Variants in SH3KBP1 observed in about 807,000 individuals in gnomAD.
SH3KBP1 encodes the protein SH3 domain containing kinase binding protein 1.
A neutral mutation model predicts 50.1 loss-of-function variants in SH3KBP1; 8 were observed. That is an observed-to-expected ratio of 0.16 (90% CI 0.09 to 0.29). SH3KBP1 has a LOEUF of 0.29. Among genes scored for constraint, SH3KBP1 ranks in the 10% least tolerant of loss-of-function variants. SH3KBP1 has a pLI of 1.00. For synonymous variants in SH3KBP1, 227 were observed against 218.6 expected (o/e 1.04, Z -0.34); for missense variants, 377 against 535.2 (o/e 0.70, Z 2.92).
At position 19,796,270 on chromosome X, in the gene SH3KBP1, G is replaced by A. The variant is rs143891096; in HGVS notation, c.162+39855C>T. Among the ~76,000 whole-genome samples the A allele has an allele frequency of 6.1e-3, 684 of 111,960 alleles. 9 individuals are homozygous for A. The highest frequency in any genetic ancestry group is 0.02 in the African/African-American group (619 of 30,780). ...CAAGCCTGGTTTCTGATCTTGGCTG[G>A]TTGCAACCTATGTGCTTAGGAACAA... On this transcript the variant is annotated intron_variant, in intron 2 of 17. Transcript: ENST00000397821.
At chrX:19,710,640 G>A (rs947565495) in intron 3 of SH3KBP1, among the ~76,000 whole-genome samples, 7 of 110,997 alleles carry the variant, frequency 6.3e-5, no homozygotes, top group Admixed American at 2.9e-4. Flanking sequence ...CTCTTCCTGC[G>A]CTTAATTTAT....
chrX:19,848,559 T>C (rs891975295), intron 1 of SH3KBP1, among the ~76,000 whole-genome samples: 1 of 112,613 alleles, frequency 8.9e-6, no homozygotes, highest in Non-Finnish European at 1.9e-5. Flanking sequence ...ACTCATTGTT[T>C]TGAAACTGGT....
At chrX:19,599,290 GA>G (rs1196639723) in intron 9 of SH3KBP1, among the ~76,000 whole-genome samples, 217 of 108,440 alleles carry the variant, frequency 2.0e-3, no homozygotes, top group Middle Eastern at 4.7e-3. Flanking sequence ...ACTGGTCAAA[GA>G]AAAAAAAAAT....
At chrX:19,836,576 C>T (rs2068063391) in intron 1 of SH3KBP1, among the ~76,000 whole-genome samples, 1 of 111,726 alleles carries the variant, frequency 9.0e-6, no homozygotes, top group Admixed American at 9.5e-5. Flanking sequence ...ACATTTGCCC[C>T]ACCCAGAGGG....
intron 2 of SH3KBP1, among the ~76,000 whole-genome samples, chrX:19,832,937 C>T (rs759521364): frequency 8.0e-5 from 9 of 112,590 alleles, no homozygotes; most frequent in South Asian, 7.2e-4. Flanking sequence ...ACTGACAGCG[C>T]GCCAGCCCTA....
chrX:19,630,346 T>C (rs966795813), intron 8 of SH3KBP1, among the ~76,000 whole-genome samples: 15 of 112,616 alleles, frequency 1.3e-4, no homozygotes, highest in Non-Finnish European at 2.1e-4. Flanking sequence ...GTGCTAATTA[T>C]TACAGCATTC....
At chrX:19,566,624 C>T (rs1376854278) in intron 13 of SH3KBP1, among the ~76,000 whole-genome samples, 1 of 111,679 alleles carries the variant, frequency 9.0e-6, no homozygotes, top group African/African-American at 3.3e-5. Flanking sequence ...CTCATTCTGA[C>T]AATCCCCTTT....
At chrX:19,542,546 C>G (rs755370201) in intron 15 of SH3KBP1, among the ~76,000 whole-genome samples, 1 of 111,419 alleles carries the variant, frequency 9.0e-6, no homozygotes, top group Admixed American at 9.6e-5. Flanking sequence ...AGCTCAGAAC[C>G]CAGTGGGGCG....
At chrX:19,834,896 G>A (rs947760980) in intron 2 of SH3KBP1, among the ~76,000 whole-genome samples, 4 of 109,594 alleles carry the variant, frequency 3.6e-5, no homozygotes, top group South Asian at 3.9e-4. Context: ...TTAGTCGGGC[G>A]TGGTGGCACA....
chrX:19,589,345 C>A (rs1243020023), intron 11 of SH3KBP1, among the ~76,000 whole-genome samples: 1 of 111,409 alleles, frequency 9.0e-6, no homozygotes, highest in South Asian at 3.8e-4. Context: ...CAATGGCCCA[C>A]GGGACCTGCT....
intron 3 of SH3KBP1, among the ~76,000 whole-genome samples, chrX:19,724,068 T>A (rs1333721200): frequency 8.9e-6 from 1 of 111,975 alleles, no homozygotes; most frequent in African/African-American, 3.3e-5. Context: ...TGTATTTTTT[T>A]AAAAGAGGGG....
intron 2 of SH3KBP1, among the ~76,000 whole-genome samples, chrX:19,778,724 AG>A (rs1411559077): frequency 9.0e-6 from 1 of 110,821 alleles, no homozygotes; most frequent in Non-Finnish European, 1.9e-5. Context: ...ACCTATGAGG[AG>A]TAGTGTGCTA....
At chrX:19,806,502 C>T (rs1255033115) in intron 2 of SH3KBP1, among the ~76,000 whole-genome samples, 2 of 111,257 alleles carry the variant, frequency 1.8e-5, no homozygotes, top group East Asian at 2.8e-4. Context: ...GGCGACACAG[C>T]GAGACTCCAT....
chrX:19,583,177 C>G (rs1315876423), intron 12 of SH3KBP1, among the ~76,000 whole-genome samples: 2 of 98,325 alleles, frequency 2.0e-5, no homozygotes, highest in Admixed American at 1.2e-4. Flanking sequence ...TTTTGAGACG[C>G]AGTTTCACTC....
chrX:19,760,041 C>CCTCTCCCT (rs1556346157), intron 2 of SH3KBP1, among the ~76,000 whole-genome samples: 4 of 50,455 alleles, frequency 7.9e-5, no homozygotes, highest in African/African-American at 3.7e-4. Flanking sequence ...TCTCTCTCTC[C>CCTCTCCCT]CTCTCTCTCT....
chrX:19,613,288 A>G (rs1449488737), intron 8 of SH3KBP1, among the ~76,000 whole-genome samples: 1 of 112,315 alleles, frequency 8.9e-6, no homozygotes, highest in Non-Finnish European at 1.9e-5. Context: ...ACTCCAGACG[A>G]CAGTCACCTT....
intron 2 of SH3KBP1, among the ~76,000 whole-genome samples, chrX:19,781,521 G>C (rs1012599339): frequency 2.8e-5 from 3 of 109,033 alleles, no homozygotes; most frequent in Non-Finnish European, 5.7e-5. Context: ...AGAAGGCTGA[G>C]GTGGGAGGAT....
At chrX:19,630,468 A>G (rs1347407003) in intron 8 of SH3KBP1, among the ~76,000 whole-genome samples, 2 of 112,464 alleles carry the variant, frequency 1.8e-5, no homozygotes, top group Non-Finnish European at 3.8e-5. Flanking sequence ...AAAGAGACAG[A>G]AAAGAATCAC....
At chrX:19,696,299 C>A (rs765296787) in intron 4 of SH3KBP1, among the ~76,000 whole-genome samples, 1 of 111,905 alleles carries the variant, frequency 8.9e-6, no homozygotes, top group South Asian at 3.7e-4. Context: ...TAATCTTATG[C>A]GTTTTATTTT....
Sources: allele counts gnomAD v4.1 joint callset (sites outside exome capture counted in the v4.1 genomes callset), GRCh38; gene constraint gnomAD v4.1.1; transcripts MANE v1.5; gene names NCBI Gene and HGNC (gene_info 2026-07-23, HGNC 2026-07-21).